Variants in SV2C observed in about 807,000 individuals in gnomAD.
SV2C encodes solute carrier family 22 member B3.
Under a neutral mutation model 79.7 loss-of-function variants are expected in SV2C, and 49 were observed. The ratio of observed to expected loss-of-function variants is 0.61; its 90% CI spans 0.49 to 0.78. SV2C has a LOEUF of 0.78. Ranked by LOEUF, SV2C falls within the 30% of genes least tolerant of loss-of-function variation. The pLI is 0.00. For synonymous variants in SV2C, 334 were observed against 333.2 expected (o/e 1.00, Z -0.03); for missense variants, 833 against 912.9 (o/e 0.91, Z 1.13).
chr5:76,070,782 T>C, the SV2C span, among the ~76,000 whole-genome samples: 1 of 152,222 alleles, frequency 6.6e-6, no homozygotes, highest in African/African-American at 2.4e-5. Context: ...ATCTGGAATA[T>C]CTTCTATCCA....
chr5:76,293,505 C>T (rs1372424465), intron 8 of SV2C, among the ~76,000 whole-genome samples: 1 of 152,162 alleles, frequency 6.6e-6, no homozygotes, highest in African/African-American at 2.4e-5. Context: ...GCCAAAAGCC[C>T]TCCACATCAT....
At chr5:75,891,494 G>T in the SV2C span, among the ~76,000 whole-genome samples, 2 of 152,040 alleles carry the variant, frequency 1.3e-5, no homozygotes, top group Admixed American at 1.3e-4. Context: ...ATCAATATCT[G>T]TAAGTTTTAA....
intron 6 of SV2C, among the ~76,000 whole-genome samples, chr5:76,289,789 T>A (rs1286742411): frequency 6.6e-6 from 1 of 152,226 alleles, no homozygotes; most frequent in Admixed American, 6.5e-5. Flanking sequence ...TCCAAGCAGG[T>A]TACATCCATG....
intron 4 of SV2C, among the ~76,000 whole-genome samples, chr5:76,264,841 G>C (rs1172284927): frequency 6.6e-6 from 1 of 152,198 alleles, no homozygotes; most frequent in Non-Finnish European, 1.5e-5. Context: ...CCTGATGCCA[G>C]CTGGAGTTCT....
the SV2C span, among the ~76,000 whole-genome samples, chr5:76,006,438 A>G: frequency 1.3e-5 from 2 of 152,212 alleles, no homozygotes; most frequent in East Asian, 1.9e-4. Flanking sequence ...GGGGCAGTTC[A>G]TAAGTCATTT....
chr5:76,319,459 C>G (rs1351450296), intron 12 of SV2C, among the ~76,000 whole-genome samples: 2 of 152,118 alleles, frequency 1.3e-5, no homozygotes, highest in Non-Finnish European at 2.9e-5. Flanking sequence ...CACGCTTCAG[C>G]TGCAAATATT....
the SV2C span, among the ~76,000 whole-genome samples, chr5:76,053,808 A>G: frequency 6.6e-6 from 1 of 152,282 alleles, no homozygotes; most frequent in East Asian, 1.9e-4. Flanking sequence ...CAAAGTCAAA[A>G]CTACTAATCT....
chr5:75,901,691 G>A, the SV2C span, among the ~76,000 whole-genome samples: 8 of 152,370 alleles, frequency 5.3e-5, no homozygotes, highest in Admixed American at 5.2e-4. Flanking sequence ...GCCCCCAGAG[G>A]TGGAGCCTAC....
the SV2C span, among the ~76,000 whole-genome samples, chr5:76,050,483 C>G: frequency 2.0e-5 from 3 of 152,142 alleles, no homozygotes; most frequent in Admixed American, 6.5e-5. Context: ...CAAGGTTCCC[C>G]CACAAGGGCT....
Position 76,291,774 on chromosome 5 carries a change from T to A in SV2C, c.1255T>A (p.Leu419Met). 6.2e-7 allele frequency: 1 copy of A among 1,607,938 alleles called. No individual in the cohort carries two copies. The highest frequency in any genetic ancestry group is 8.5e-7 in the Non-Finnish European group (1 of 1,176,034). The change falls in exon 8 of 13, where the codon TTG (leucine) becomes ATG (methionine). Residue 419 changes from leucine to methionine, a missense_variant. Coordinates refer to ENST00000502798, the MANE Select transcript of SV2C (RefSeq NM_014979.4). ...ACTCTCTAATATTTCACAGATTTGGTTGACTTTTATGAGATGTTTCAACTA... is the reference window on the plus strand; with the variant it reads ...ACTCTCTAATATTTCACAGATTTGGATGACTTTTATGAGATGTTTCAACTA... ...RIRTELYGIW[L>M]TFMRCFNYPV...
the SV2C span, among the ~76,000 whole-genome samples, chr5:75,849,645 A>C: frequency 6.6e-6 from 1 of 152,226 alleles, no homozygotes; most frequent in African/African-American, 2.4e-5. Flanking sequence ...CTCTATTAAA[A>C]ATGTAAATAG....
the SV2C span, among the ~76,000 whole-genome samples, chr5:76,004,213 G>T: frequency 6.6e-6 from 1 of 152,158 alleles, no homozygotes; most frequent in South Asian, 2.1e-4. Flanking sequence ...TTATGGTTAA[G>T]GATCTCTGGG....
intron 4 of SV2C, among the ~76,000 whole-genome samples, chr5:76,265,304 C>T (rs561757320): frequency 1.3e-5 from 2 of 152,304 alleles, no homozygotes; most frequent in Admixed American, 1.3e-4. Flanking sequence ...CCCTGCCCCC[C>T]ACCAAGCTCG....
intron 1 of SV2C, among the ~76,000 whole-genome samples, chr5:76,111,293 AACTC>A (rs942401199): frequency 5.9e-5 from 9 of 152,246 alleles, no homozygotes; most frequent in African/African-American, 1.9e-4. Context: ...TTTCTTCACT[AACTC>A]TTTCTTTCTT....
rs1176607242 is a variant in SV2C, at chr5:76,343,478, T to C, written c.2001-9652T>C. ...CATATGAAAAGGTGCTCAATTTCAT[T>C]AGTCGTGAAGGAAATGCAAATAAAA... is the stretch of plus-strand genomic sequence containing the variant. On this transcript the variant is annotated intron_variant, in intron 12 of 12. Transcript: ENST00000322285. 3.3e-5 allele frequency among the ~76,000 whole-genome samples: 5 copies of C among 152,110 alleles called. No individual in the cohort carries two copies. In the South Asian group the frequency reaches 6.2e-4, roughly 19 times the overall value.
At chr5:76,292,565 A>T (rs958978620) in intron 8 of SV2C, among the ~76,000 whole-genome samples, 2 of 152,194 alleles carry the variant, frequency 1.3e-5, no homozygotes, top group Non-Finnish European at 2.9e-5. Flanking sequence ...GCTTGAGCCC[A>T]GGAGTTGGAA....
intron 1 of SV2C, among the ~76,000 whole-genome samples, chr5:76,107,589 C>T (rs549367737): frequency 1.3e-5 from 2 of 152,302 alleles, no homozygotes; most frequent in South Asian, 2.1e-4. Context: ...CTTGGCTGGA[C>T]ATGGTGGCTC....
chr5:76,182,082 A>G (rs757183558), intron 2 of SV2C, among the ~76,000 whole-genome samples: 2 of 152,024 alleles, frequency 1.3e-5, no homozygotes, highest in Non-Finnish European at 2.9e-5. Flanking sequence ...CTCATTGTTC[A>G]TATTCTCCTT....
At chr5:75,956,602 T>G in the SV2C span, among the ~76,000 whole-genome samples, 1 of 151,902 alleles carries the variant, frequency 6.6e-6, no homozygotes, top group African/African-American at 2.4e-5. Context: ...TAGCTCGGGT[T>G]GAAAATTAAG....
Sources: gnomAD v4.1 joint callset for allele counts (sites outside exome capture counted in the v4.1 genomes callset) on GRCh38, gnomAD v4.1.1 for gene constraint, MANE v1.5 for transcripts, NCBI Gene and HGNC (gene_info 2026-07-23, HGNC 2026-07-21) for gene names.